Variants in CD163L1 observed in about 807,000 individuals in gnomAD.
CD163L1 encodes CD163 molecule like 1.
Under a neutral mutation model 165.4 loss-of-function variants are expected in CD163L1, and 124 were observed. The observed-to-expected ratio is 0.75, with a 90% CI of 0.65 to 0.87. CD163L1 has a LOEUF of 0.87. Ranked by LOEUF, CD163L1 falls within the 40% of genes least tolerant of loss-of-function variation. The pLI is 0.00. For missense variants in CD163L1, 1,525 were observed against 1,799.9 expected (o/e 0.85, Z 2.76); for synonymous variants, 585 against 662.2 (o/e 0.88, Z 1.79).
At chr12:7,334,641 G>A in the CD163L1 span, among the ~76,000 whole-genome samples, 3 of 152,092 alleles carry the variant, frequency 2.0e-5, no homozygotes, top group Non-Finnish European at 4.4e-5. Flanking sequence ...TTCCAGCCAG[G>A]GCAATCAGGC....
Position 7,432,428 on chromosome 12 carries a change from ATGTGACATCCTCATTG to A in CD163L1, c.738_753del (p.Asn247Ter). On this transcript the variant is annotated frameshift_variant, in exon 4 of 20. Transcript: ENST00000313599. LOFTEE classifies it high-confidence loss of function. The surrounding 1 kb of genome is among the most constrained non-coding windows in gnomAD (Gnocchi z 4.2). ...CTTGGGTTCTTACCATAACAAGTTA[ATGTGACATCCTCATTG>A]TGACTGCAGTCATGATTTCCCCATC... The A allele has an allele frequency of 6.2e-7, 1 of 1,611,616 alleles. No individual in the cohort carries two copies. Among genetic ancestry groups the A allele is most frequent in the Non-Finnish European group, 8.5e-7 (1 of 1,178,166 alleles).
At chr12:7,394,303 T>C (rs762112324) in intron 8 of CD163L1, among the ~76,000 whole-genome samples, 23 of 152,178 alleles carry the variant, frequency 1.5e-4, no homozygotes, top group Admixed American at 1.2e-3. Flanking sequence ...GCTACAACTA[T>C]CTGATCTTTG....
chr12:7,410,046 A>G (rs761748563), intron 4 of CD163L1, among the ~76,000 whole-genome samples: 1 of 152,290 alleles, frequency 6.6e-6, no homozygotes, highest in African/African-American at 2.4e-5. Flanking sequence ...AATAAATATA[A>G]AAACTATAAA....
At chr12:7,325,947 C>A in the CD163L1 span, among the ~76,000 whole-genome samples, 1 of 152,204 alleles carries the variant, frequency 6.6e-6, no homozygotes, top group Non-Finnish European at 1.5e-5. Flanking sequence ...ACTCTACTCT[C>A]CATCTATTCC....
chr12:7,353,665 GGACA>G (rs1427139438), downstream of CD163L1, among the ~76,000 whole-genome samples: 3 of 151,922 alleles, frequency 2.0e-5, no homozygotes, highest in Admixed American at 2.0e-4. Context: ...ACAAGAGAGA[GGACA>G]GACAAAAGAG....
chr12:7,436,495 G>C (rs1281925693), intron 2 of CD163L1, among the ~76,000 whole-genome samples: 1 of 152,110 alleles, frequency 6.6e-6, no homozygotes, highest in Admixed American at 6.5e-5. Flanking sequence ...ATTTAGCCCA[G>C]ATGCCATGGC....
intron 4 of CD163L1, among the ~76,000 whole-genome samples, chr12:7,420,768 C>T (rs1948332818): frequency 6.6e-6 from 1 of 151,706 alleles, no homozygotes; most frequent in Non-Finnish European, 1.5e-5. Context: ...CTAGTACAAC[C>T]TCTACGAAAA....
At chr12:7,420,474 T>C (rs1409842373) in intron 4 of CD163L1, among the ~76,000 whole-genome samples, 2 of 151,728 alleles carry the variant, frequency 1.3e-5, no homozygotes, top group South Asian at 4.2e-4. Context: ...AAAAGACTAA[T>C]TTACAGGATC....
In CD163L1 at chr12:7,369,766, T is replaced by C. The variant is rs2136413025; in HGVS notation, c.3731-101A>G. 6.7e-6 allele frequency: 7 copies of C among 1,040,626 alleles called. No homozygotes were observed. In the East Asian group the frequency reaches 1.7e-4, roughly 25 times the overall value. 64.5% of individuals were successfully genotyped at this position (1,040,626 alleles called of 1,614,324 possible). A position where few individuals can be genotyped will look rare whatever the true frequency, so the allele number is the denominator to read the frequency against. ...AAGTAGCAAATGTGCTTGATGAATA[T>C]GGGTGTGGTAAGGAAGGCAGAATTT... On this transcript the variant is annotated intron_variant, in intron 14 of 19. Coordinates refer to ENST00000313599, the MANE Select transcript of CD163L1 (RefSeq NM_174941.6). This position sits in a 1 kb window ranked among gnomAD's most constrained non-coding sequence, Gnocchi z 4.9.
intron 8 of CD163L1, among the ~76,000 whole-genome samples, chr12:7,394,373 G>A (rs1313802540): frequency 6.6e-6 from 1 of 152,150 alleles, no homozygotes; most frequent in Non-Finnish European, 1.5e-5. Flanking sequence ...ATGGTGCTGG[G>A]AAAACTGGCT....
chr12:7,416,386 T>C (rs1243825717), intron 4 of CD163L1, among the ~76,000 whole-genome samples: 1 of 152,188 alleles, frequency 6.6e-6, no homozygotes, highest in East Asian at 1.9e-4. Flanking sequence ...ACTCTGATGA[T>C]AGTTTTCTTT....
At chr12:7,386,198 TCA>T (rs1165895874) in intron 8 of CD163L1, among the ~76,000 whole-genome samples, 1 of 151,732 alleles carries the variant, frequency 6.6e-6, no homozygotes, top group Admixed American at 6.6e-5. Flanking sequence ...AACGATACAC[TCA>T]CAAACTGGTA....
intron 2 of CD163L1, chr12:7,438,942 C>G: frequency 1.2e-6 from 2 of 1,606,698 alleles, no homozygotes; most frequent in East Asian, 2.2e-5. Flanking sequence ...TCTAAGAATG[C>G]GTTCTTGTTC....
At chr12:7,332,387 A>G in the CD163L1 span, among the ~76,000 whole-genome samples, 1 of 152,178 alleles carries the variant, frequency 6.6e-6, no homozygotes. Flanking sequence ...GAACTTCCCC[A>G]ATCTAGCAAG....
In CD163L1 at chr12:7,400,558, GTGGAGTGGCTAT is replaced by G; in HGVS notation, c.1409-1986_1409-1975del. On this transcript the variant is annotated intron_variant, in intron 6 of 19. Coordinates refer to ENST00000313599, the MANE Select transcript of CD163L1 (RefSeq NM_174941.6). The surrounding 1 kb of genome is among the most constrained non-coding windows in gnomAD (Gnocchi z 4.1). ...GTTTTGCTATGTTGCCCAGGCTGGA[GTGGAGTGGCTAT>G]TTACAGGTGCAATCATAGCACCTTA... is the stretch of plus-strand genomic sequence containing the variant. Among the ~76,000 whole-genome samples, 1 of 152,244 alleles carries G rather than the reference GTGGAGTGGCTAT, an allele frequency of 6.6e-6. No individual in the cohort carries two copies. Among genetic ancestry groups the G allele is most frequent in the South Asian group, 2.1e-4 (1 of 4,828 alleles).
At chr12:7,375,229 AC>A in intron 11 of CD163L1, 51 bp downstream of exon 11, 1 of 1,563,438 alleles carries the variant, frequency 6.4e-7, no homozygotes, top group South Asian at 1.2e-5. Context: ...AACTCCCTCT[AC>A]CATGTCTGGG....
intron 4 of CD163L1, among the ~76,000 whole-genome samples, chr12:7,411,808 C>G (rs2136549038): frequency 6.6e-6 from 1 of 152,310 alleles, no homozygotes; most frequent in African/African-American, 2.4e-5. Flanking sequence ...TGATTTATCT[C>G]CAAAGCAGGA....
intron 11 of CD163L1, 107 bp downstream of exon 11, chr12:7,375,174 C>T (rs1470689785): frequency 5.2e-6 from 6 of 1,145,052 alleles, no homozygotes; most frequent in South Asian, 1.5e-5. Flanking sequence ...CCTATCCCCC[C>T]TCCACCTGCA....
At chr12:7,421,503 A>ATATATG (rs1948411721) in intron 4 of CD163L1, among the ~76,000 whole-genome samples, 1 of 75,196 alleles carries the variant, frequency 1.3e-5, no homozygotes, top group Non-Finnish European at 2.3e-5. Flanking sequence ...ATATATGTAC[A>ATATATG]TATACATATA....
Sources: allele counts gnomAD v4.1 joint callset (sites outside exome capture counted in the v4.1 genomes callset), GRCh38; gene constraint gnomAD v4.1.1; non-coding constraint Gnocchi (gnomAD v3.1); transcripts MANE v1.5; gene names NCBI Gene and HGNC (gene_info 2026-07-23, HGNC 2026-07-21).